PDE4D: variants seen among roughly 807,000 people sequenced by gnomAD.
The protein encoded by PDE4D is 3',5'-cyclic-AMP phosphodiesterase 4D.
In PDE4D, 24 loss-of-function variants were observed where a neutral mutation model predicts 87.4. That is an observed-to-expected ratio of 0.27 (90% CI 0.20 to 0.39). The LOEUF (loss-of-function observed/expected upper bound fraction) is 0.39. PDE4D is among the 10% of genes least tolerant of loss of function. The pLI is 1.00. For missense variants in PDE4D, 714 were observed against 1,041.0 expected (o/e 0.69, Z 4.32); for synonymous variants, 384 against 383.2 (o/e 1.00, Z -0.02).
At chr5:59,464,728 G>A (rs1021127699) in intron 1 of PDE4D, among the ~76,000 whole-genome samples, 2 of 152,084 alleles carry the variant, frequency 1.3e-5, no homozygotes, top group African/African-American at 4.8e-5. Flanking sequence ...AACACCCACA[G>A]GTGTGGAGGG....
chr5:59,603,772 G>A (rs938956098), intron 1 of PDE4D, among the ~76,000 whole-genome samples: 55 of 151,928 alleles, frequency 3.6e-4, no homozygotes, highest in Admixed American at 3.2e-3. Flanking sequence ...AGGTGCAAGT[G>A]TGATATTGAT....
At chr5:59,839,567 C>G (rs1241942704) in intron 1 of PDE4D, among the ~76,000 whole-genome samples, 1 of 151,956 alleles carries the variant, frequency 6.6e-6, no homozygotes, top group Non-Finnish European at 1.5e-5. Flanking sequence ...ACTGACTGAA[C>G]TTCAAATATG....
intron 1 of PDE4D, among the ~76,000 whole-genome samples, chr5:59,438,897 C>T (rs909359778): frequency 6.6e-6 from 1 of 152,116 alleles, no homozygotes; most frequent in African/African-American, 2.4e-5. Flanking sequence ...ATTAGGCAGG[C>T]AAATATTGAC....
At chr5:59,620,129 C>T (rs886383908) in intron 1 of PDE4D, among the ~76,000 whole-genome samples, 1 of 151,958 alleles carries the variant, frequency 6.6e-6, no homozygotes, top group Non-Finnish European at 1.5e-5. Flanking sequence ...GTCCATGTGA[C>T]CAAGAGACAG....
intron 8 of PDE4D, among the ~76,000 whole-genome samples, chr5:58,991,380 C>T (rs1255901821): frequency 6.6e-6 from 1 of 152,182 alleles, no homozygotes; most frequent in Non-Finnish European, 1.5e-5. Context: ...TGTTAACAGA[C>T]ACACCATGTA....
intron 1 of PDE4D, among the ~76,000 whole-genome samples, chr5:59,773,372 T>C (rs1340407091): frequency 6.6e-6 from 1 of 152,184 alleles, no homozygotes; most frequent in African/African-American, 2.4e-5. Flanking sequence ...AGATCTAGTA[T>C]TTAAAATTGT....
At chr5:59,026,857 A>G (rs922300309) in intron 6 of PDE4D, among the ~76,000 whole-genome samples, 7 of 152,188 alleles carry the variant, frequency 4.6e-5, no homozygotes, top group African/African-American at 1.7e-4. Context: ...ATTACAGATA[A>G]TTCCTATATA....
chr5:60,319,436 T>C (rs1020464570), intron 1 of PDE4D, among the ~76,000 whole-genome samples: 1 of 152,194 alleles, frequency 6.6e-6, no homozygotes, highest in African/African-American at 2.4e-5. Context: ...TCGAACTTCC[T>C]CCTTTAGCTC....
At chr5:59,801,149 A>C (rs1176931037) in intron 1 of PDE4D, among the ~76,000 whole-genome samples, 1 of 152,222 alleles carries the variant, frequency 6.6e-6, no homozygotes, top group East Asian at 1.9e-4. Flanking sequence ...TGAATCAAAG[A>C]CGAGACTGAG....
At chr5:60,484,337 G>C (rs1373784027) in intron 1 of PDE4D, among the ~76,000 whole-genome samples, 1 of 152,084 alleles carries the variant, frequency 6.6e-6, no homozygotes, top group Non-Finnish European at 1.5e-5. Context: ...TTGGCTTAGT[G>C]CTGTATCTAA....
At chr5:60,254,326 T>C (rs1263809760) in intron 1 of PDE4D, among the ~76,000 whole-genome samples, 2 of 151,972 alleles carry the variant, frequency 1.3e-5, no homozygotes, top group Non-Finnish European at 2.9e-5. Flanking sequence ...CCAGCAACCC[T>C]GGCCCCTAAA....
At chr5:59,385,003 T>G (rs1381678568) in intron 1 of PDE4D, among the ~76,000 whole-genome samples, 1 of 152,182 alleles carries the variant, frequency 6.6e-6, no homozygotes, top group Non-Finnish European at 1.5e-5. Context: ...TTGCTAGTAG[T>G]TAATAATTGC....
At position 59,003,085 on chromosome 5, in the gene PDE4D, C is replaced by A. The variant is rs567977203; in HGVS notation, c.922-9620G>T. Among the ~76,000 whole-genome samples, 11 of 152,254 alleles carry A rather than the reference C, an allele frequency of 7.2e-5. No individual in the cohort carries two copies. The South Asian group carries it at 2.3e-3, about 32-fold the overall frequency. ...TCAATTGCATCACAGCACTCCATGT[C>A]TCAGGGCCAAAATGCTGTAATTGCT... On this transcript the variant is annotated intron_variant, in intron 6 of 14. Transcript: ENST00000340635.
At chr5:59,657,011 TAC>T (rs1256731740) in intron 1 of PDE4D, among the ~76,000 whole-genome samples, 1 of 152,150 alleles carries the variant, frequency 6.6e-6, no homozygotes, top group Non-Finnish European at 1.5e-5. Flanking sequence ...TAAGATCAAA[TAC>T]ACCACATAAA....
chr5:59,892,471 C>T (rs895998823), intron 1 of PDE4D, among the ~76,000 whole-genome samples: 6 of 152,182 alleles, frequency 3.9e-5, no homozygotes, highest in African/African-American at 1.4e-4. Context: ...CACAGTGTAA[C>T]TCCCACAGCG....
At chr5:59,744,301 A>G (rs1467788614) in intron 1 of PDE4D, among the ~76,000 whole-genome samples, 1 of 152,154 alleles carries the variant, frequency 6.6e-6, no homozygotes, top group Non-Finnish European at 1.5e-5. Flanking sequence ...AACACTTTGG[A>G]GTTAATTGTG....
At chr5:60,391,947 A>G (rs984016942) in intron 1 of PDE4D, among the ~76,000 whole-genome samples, 1 of 152,170 alleles carries the variant, frequency 6.6e-6, no homozygotes, top group Non-Finnish European at 1.5e-5. Flanking sequence ...CTGGATTGAA[A>G]GGCAGAAGAT....
At chr5:59,556,169 C>G (rs938459624) in intron 1 of PDE4D, among the ~76,000 whole-genome samples, 9 of 152,170 alleles carry the variant, frequency 5.9e-5, no homozygotes, top group African/African-American at 2.2e-4. Flanking sequence ...ACTAAGTTCT[C>G]TTGAGAGGCA....
chr5:60,495,943 A>G (rs1749792968), intron 1 of PDE4D, among the ~76,000 whole-genome samples: 2 of 152,206 alleles, frequency 1.3e-5, no homozygotes, highest in Admixed American at 1.3e-4. Context: ...AAACAGGGCT[A>G]TTTGTTTTGT....
Sources: gnomAD v4.1 joint callset for allele counts (sites outside exome capture counted in the v4.1 genomes callset) on GRCh38, gnomAD v4.1.1 for gene constraint, MANE v1.5 for transcripts, NCBI Gene and HGNC (gene_info 2026-07-23, HGNC 2026-07-21) for gene names.